BNIP3L: variants seen among roughly 807,000 people sequenced by gnomAD.
BNIP3L encodes BCL2 interacting protein 3 like, also known as BCL2/adenovirus E1B 19 kDa protein-interacting protein 3-like.
In BNIP3L, 10 loss-of-function variants were observed where a neutral mutation model predicts 25.5. That is an observed-to-expected ratio of 0.39 (90% CI 0.24 to 0.67). The LOEUF is 0.67. Ranked by LOEUF, BNIP3L falls within the 30% of genes least tolerant of loss-of-function variation. The pLI is 0.45. For synonymous variants in BNIP3L, 113 were observed against 101.2 expected, an observed-to-expected ratio of 1.12 and a Z score of -0.70; for missense variants, 215 against 270.9, an observed-to-expected ratio of 0.79 and a Z score of 1.45.
intron 1 of BNIP3L, among the ~76,000 whole-genome samples, chr8:26,386,678 A>G (rs1187422268): frequency 6.6e-6 from 1 of 152,078 alleles, no homozygotes; most frequent in East Asian, 1.9e-4. Flanking sequence ...TTTTGTAGAG[A>G]TGGAGTTTTG....
chr8:26,383,426 C>T, intron 1 of BNIP3L, 196 bp downstream of exon 1: 2 of 1,413,896 alleles, frequency 1.4e-6, no homozygotes, highest in South Asian at 1.5e-5. Context: ...TCTGTTGCCT[C>T]CTGGGGTCTT....
chr8:26,392,171 G>GTTT (rs369100652), intron 2 of BNIP3L, among the ~76,000 whole-genome samples: 3 of 110,408 alleles, frequency 2.7e-5, no homozygotes, highest in Admixed American at 9.1e-5. Context: ...AAACTTTTCT[G>GTTT]TTTTTTTTTT....
At chr8:26,403,239 G>C (rs1806430974) in intron 3 of BNIP3L, among the ~76,000 whole-genome samples, 1 of 152,158 alleles carries the variant, frequency 6.6e-6, no homozygotes, top group Non-Finnish European at 1.5e-5. Flanking sequence ...GGAGCTGTCA[G>C]CAGGTATAGT....
intron 1 of BNIP3L, among the ~76,000 whole-genome samples, chr8:26,389,326 A>T (rs1210161872): frequency 6.6e-6 from 1 of 151,984 alleles, no homozygotes; most frequent in Non-Finnish European, 1.5e-5. Flanking sequence ...CAGTTGAAAT[A>T]TGTTGCAGAG....
chr8:26,383,169 C>A lies in BNIP3L; in HGVS notation c.39C>A (p.His13Gln). The A allele has an allele frequency of 1.3e-6, 2 of 1,577,208 alleles. No individual in the cohort carries two copies. Among genetic ancestry groups the A allele is most frequent in the Non-Finnish European group, 1.7e-6 (2 of 1,152,328 alleles). ...TAGTCGAGCCGCCGCCGCCCCTGCA[C>A]AACAACAACAACAACTGCGAGGAAA... ...SHLVEPPPPL[H>Q]NNNNNCEENE... Residue 13 changes from histidine (H) to glutamine (Q), a missense_variant, in exon 1 of 6, where the codon CAC becomes CAA. By Grantham distance (24) the His-to-Gln change is conservative. Coordinates refer to ENST00000380629, the MANE Select transcript of BNIP3L (RefSeq NM_004331.3).
At chr8:26,402,764 TA>T (rs917963506) in intron 3 of BNIP3L, among the ~76,000 whole-genome samples, 2 of 151,792 alleles carry the variant, frequency 1.3e-5, no homozygotes, top group Non-Finnish European at 2.9e-5. Flanking sequence ...TCTCTGTCTC[TA>T]AAAAAAAGAA....
intron 5 of BNIP3L, 24 bp downstream of exon 5, chr8:26,408,400 G>GT: frequency 1.3e-6 from 2 of 1,584,948 alleles, no homozygotes; most frequent in Non-Finnish European, 8.6e-7. Context: ...AACTCCTGAA[G>GT]TTTTTTCCAT....
At chr8:26,404,028 A>G (rs771871058) in intron 3 of BNIP3L, among the ~76,000 whole-genome samples, 21 of 152,346 alleles carry the variant, frequency 1.4e-4, no homozygotes, top group Non-Finnish European at 2.5e-4. Context: ...AATTCGATTG[A>G]TAACAGGAGA....
intron 3 of BNIP3L, among the ~76,000 whole-genome samples, chr8:26,401,515 A>G (rs1286397652): frequency 1.3e-5 from 2 of 148,754 alleles, no homozygotes; most frequent in Admixed American, 1.3e-4. Flanking sequence ...ATGTATACAT[A>G]TGTAACTAAC....
intron 4 of BNIP3L, 61 bp downstream of exon 4, chr8:26,408,164 T>C: frequency 3.1e-6 from 5 of 1,611,224 alleles, no homozygotes; most frequent in South Asian, 1.1e-5. Context: ...TTACAGGCAA[T>C]GGGCCTGGTA....
intron 3 of BNIP3L, among the ~76,000 whole-genome samples, chr8:26,405,148 G>C (rs76211995): frequency 2.6e-5 from 4 of 152,000 alleles, no homozygotes; most frequent in African/African-American, 9.7e-5. Flanking sequence ...AAATTAGAGC[G>C]TGAAATCTTA....
intron 1 of BNIP3L, among the ~76,000 whole-genome samples, chr8:26,386,068 A>G (rs913663895): frequency 3.9e-5 from 6 of 152,224 alleles, no homozygotes; most frequent in Non-Finnish European, 8.8e-5. Context: ...AGGAGAAGAA[A>G]TGTACAGATT....
chr8:26,388,807 C>CTAAATAAATAAATAAATAAA lies in BNIP3L; in HGVS notation c.101-2420_101-2401dup, dbSNP rs3837185. Among the ~76,000 whole-genome samples, 190 of 143,954 alleles carry CTAAATAAATAAATAAATAAA rather than the reference C, an allele frequency of 1.3e-3. 1 individual carries two copies. Among genetic ancestry groups the CTAAATAAATAAATAAATAAA allele is most frequent in the African/African-American group, 4.8e-3 (181 of 37,328 alleles). The allele number at this position is 143,954 out of a possible 152,430, so 94.4% of individuals were successfully genotyped here. A position where few individuals can be genotyped will look rare whatever the true frequency, so the allele number is the denominator to read the frequency against. On this transcript the variant is annotated intron_variant, in intron 1 of 5. Transcript: ENST00000380629. ...GCAATGTAGGGAGACCCTGTCTCTA[C>CTAAATAAATAAATAAATAAA]TAAATAAATAAATAAATAAATAAAT...
chr8:26,393,512 G>T (rs1806160011), intron 2 of BNIP3L, among the ~76,000 whole-genome samples: 1 of 151,452 alleles, frequency 6.6e-6, no homozygotes, highest in African/African-American at 2.4e-5. Flanking sequence ...AAGCTCCCCA[G>T]CCGATTCTAA....
chr8:26,383,152 C>A lies in BNIP3L; in HGVS notation c.22C>A (p.Pro8Thr). Residue 8 changes from proline to threonine, a missense_variant, in exon 1 of 6, where the codon CCG becomes ACG. Around this residue, in one of 4 missense-constraint regions of BNIP3L, gnomAD observed 69 missense variants for 53.6 expected, o/e 1.29. Transcript: ENST00000380629. The part of the protein sequence containing the change: MSSHLVE[P>T]PPPLHNNNNN... ...GACAATGTCGTCCCACCTAGTCGAG[C>A]CGCCGCCGCCCCTGCACAACAACAA... 2 of 1,605,096 alleles carry A rather than the reference C, an allele frequency of 1.2e-6. No homozygotes were observed. Among genetic ancestry groups the A allele is most frequent in the Non-Finnish European group, 1.7e-6 (2 of 1,174,552 alleles).
In BNIP3L at chr8:26,410,336, G is replaced by A. The variant is rs189581876; in HGVS notation, c.612-28G>A. ...CTGGTATAGAACTGTTGAAACAGGT[G>A]AAACATGATGCTTCTGCTTCCTTTC... On this transcript the variant is annotated intron_variant, in intron 5 of 5. Transcript: ENST00000380629. The A allele has an allele frequency of 6.9e-4, 1,108 of 1,613,882 alleles. 5 individuals are homozygous for A. The highest frequency in any genetic ancestry group is 1.8e-4 in the East Asian group (8 of 44,878).
At position 26,387,566 on chromosome 8, in the gene BNIP3L, TAAATCAGGAAC is replaced by T. The variant is rs1228133892; in HGVS notation, c.101-3671_101-3661del. ...AGAACACTAAGAAATTCTGAGGCTG[TAAATCAGGAAC>T]AAATCGGGTGATGGGAAACAGACGT... On this transcript the variant is annotated intron_variant, in intron 1 of 5. Coordinates refer to ENST00000380629, the MANE Select transcript of BNIP3L (RefSeq NM_004331.3). Among the ~76,000 whole-genome samples the T allele has an allele frequency of 2.6e-5, 4 of 152,212 alleles. 1 individual carries two copies. The highest frequency in any genetic ancestry group is 9.6e-5 in the African/African-American group (4 of 41,456).
intron 1 of BNIP3L, chr8:26,390,504 G>A (rs563864942): frequency 2.0e-6 from 2 of 985,400 alleles, no homozygotes; most frequent in African/African-American, 3.5e-5. Context: ...AAAGAAAAAA[G>A]ACAAGTTCAC....
chr8:26,406,337 T>C (rs1355067107), intron 3 of BNIP3L, among the ~76,000 whole-genome samples: 1 of 152,182 alleles, frequency 6.6e-6, no homozygotes, highest in African/African-American at 2.4e-5. Context: ...ATAATCTCCT[T>C]CCAGAGAGTA....
Sources: gnomAD v4.1 joint callset for allele counts (sites outside exome capture counted in the v4.1 genomes callset) on GRCh38, gnomAD v4.1.1 for gene constraint, gnomAD v4.1.1 regional missense constraint, MANE v1.5 for transcripts, NCBI Gene and HGNC (gene_info 2026-07-23, HGNC 2026-07-21) for gene names.